The following ARK2C variants were observed in gnomAD, a reference collection of about 807,000 sequenced individuals.
ARK2C encodes arkadia (RNF111) C-terminal like ring finger ubiquitin ligase 2C, also known as E3 ubiquitin-protein ligase ARK2C.
chr18:46,456,454 G>T, the ARK2C span: 1 of 1,191,270 alleles, frequency 8.4e-7, no homozygotes, highest in South Asian at 1.2e-5. Context: ...CTAGGTGTGT[G>T]TCCCTGCTCC....
At chr18:46,392,301 G>T in the ARK2C span, among the ~76,000 whole-genome samples, 1 of 152,098 alleles carries the variant, frequency 6.6e-6, no homozygotes, top group Admixed American at 6.5e-5. Flanking sequence ...GATGCCCCCC[G>T]CTCCCTGAAT....
chr18:46,447,544 T>G, the ARK2C span: 2 of 1,614,020 alleles, frequency 1.2e-6, no homozygotes, highest in Non-Finnish European at 1.7e-6. Flanking sequence ...TATGGTTCAC[T>G]GAGGCTGTTT....
At chr18:46,415,162 T>C in the ARK2C span, among the ~76,000 whole-genome samples, 1 of 152,098 alleles carries the variant, frequency 6.6e-6, no homozygotes. Flanking sequence ...CTGCCAGAGT[T>C]TGACTGACAC....
the ARK2C span, among the ~76,000 whole-genome samples, chr18:46,384,037 A>G: frequency 6.6e-6 from 1 of 152,236 alleles, no homozygotes; most frequent in Non-Finnish European, 1.5e-5. Flanking sequence ...AAAGTTTTGG[A>G]TATTTTTTCT....
the ARK2C span, among the ~76,000 whole-genome samples, chr18:46,341,338 G>T: frequency 0.018 from 2,759 of 151,024 alleles, 103 homozygotes; most frequent in African/African-American, 0.065. Context: ...GGACAGGCGT[G>T]GGGGGTAGGG....
the ARK2C span, among the ~76,000 whole-genome samples, chr18:46,408,042 G>A: frequency 2.6e-5 from 4 of 152,310 alleles, no homozygotes; most frequent in African/African-American, 7.2e-5. Flanking sequence ...GGCAGGGATT[G>A]GGGAAAAAGC....
At chr18:46,361,881 T>A in the ARK2C span, among the ~76,000 whole-genome samples, 1 of 152,260 alleles carries the variant, frequency 6.6e-6, no homozygotes, top group African/African-American at 2.4e-5. Flanking sequence ...CTCTGGAAGA[T>A]CCTTTTCAGC....
the ARK2C span, among the ~76,000 whole-genome samples, chr18:46,341,820 G>A: frequency 1.2e-4 from 18 of 152,172 alleles, no homozygotes; most frequent in African/African-American, 4.1e-4. Context: ...TCAGTATCCC[G>A]AAATCTGAGT....
chr18:46,407,536 G>A, the ARK2C span, among the ~76,000 whole-genome samples: 1 of 152,246 alleles, frequency 6.6e-6, no homozygotes, highest in Admixed American at 6.5e-5. Flanking sequence ...TTTCTCCTAG[G>A]CAGAGGTCTT....
chr18:46,367,862 A>T, the ARK2C span, among the ~76,000 whole-genome samples: 8 of 152,168 alleles, frequency 5.3e-5, no homozygotes, highest in African/African-American at 1.9e-4. Flanking sequence ...CTGGATATTC[A>T]TTGCAGTTGG....
At chr18:46,445,942 G>T in the ARK2C span, among the ~76,000 whole-genome samples, 1 of 151,048 alleles carries the variant, frequency 6.6e-6, no homozygotes, top group African/African-American at 2.4e-5. Flanking sequence ...AAGAATCCAG[G>T]CTGTTTTTCC....
chr18:46,447,953 C>T, the ARK2C span, among the ~76,000 whole-genome samples: 1 of 141,546 alleles, frequency 7.1e-6, no homozygotes, highest in Admixed American at 7.0e-5. Flanking sequence ...TCTCTGTTAT[C>T]AGCCCCCTAT....
chr18:46,354,633 C>T, the ARK2C span, among the ~76,000 whole-genome samples: 1 of 152,262 alleles, frequency 6.6e-6, no homozygotes, highest in African/African-American at 2.4e-5. Flanking sequence ...ACAGCATCAG[C>T]ACCATGCTAA....
At chr18:46,367,758 C>T in the ARK2C span, among the ~76,000 whole-genome samples, 3 of 152,272 alleles carry the variant, frequency 2.0e-5, no homozygotes, top group Admixed American at 1.3e-4. Flanking sequence ...GCCCAGATCC[C>T]CTGAATGTTA....
chr18:46,425,222 C>T, the ARK2C span, among the ~76,000 whole-genome samples: 2 of 152,292 alleles, frequency 1.3e-5, no homozygotes, highest in African/African-American at 4.8e-5. Flanking sequence ...TTCCGGGGAA[C>T]CCCAGAGAAG....
At chr18:46,447,680 C>T in the ARK2C span, 1 of 1,614,036 alleles carries the variant, frequency 6.2e-7, no homozygotes, top group East Asian at 2.2e-5. Flanking sequence ...GAAACTCCTC[C>T]TCCACACAGA....
the ARK2C span, among the ~76,000 whole-genome samples, chr18:46,441,026 G>T: frequency 1.6e-3 from 248 of 152,188 alleles, no homozygotes; most frequent in Non-Finnish European, 3.0e-3. Flanking sequence ...ACAGGGTCTT[G>T]CTCTGTCACC....
chr18:46,384,707 T>C, the ARK2C span, among the ~76,000 whole-genome samples: 2 of 152,174 alleles, frequency 1.3e-5, no homozygotes, highest in Non-Finnish European at 2.9e-5. Context: ...TTCTGCACTC[T>C]TGCATGAATT....
At chr18:46,371,353 G>A in the ARK2C span, among the ~76,000 whole-genome samples, 8 of 152,266 alleles carry the variant, frequency 5.3e-5, no homozygotes, top group African/African-American at 1.4e-4. Context: ...GGAGGGTCAC[G>A]GGGTCTGATA....
Sources: allele counts gnomAD v4.1 joint callset (sites outside exome capture counted in the v4.1 genomes callset), GRCh38; gene constraint gnomAD v4.1.1; transcripts MANE v1.5; gene names NCBI Gene and HGNC (gene_info 2026-07-23, HGNC 2026-07-21).